Variants in UMODL1 observed in about 807,000 individuals in gnomAD.
The protein encoded by UMODL1 is uromodulin-like 1.
In UMODL1, 128 loss-of-function variants were observed where a neutral mutation model predicts 136.3. The ratio of observed to expected loss-of-function variants is 0.94; its 90% CI spans 0.81 to 1.09. The LOEUF is 1.09. Ranked by LOEUF, UMODL1 falls within the 50% of genes least tolerant of loss-of-function variation. The pLI is 0.00. For synonymous variants in UMODL1, 721 were observed against 720.0 expected (o/e 1.00, Z -0.02); for missense variants, 1,766 against 1,725.6 (o/e 1.02, Z -0.41).
intron 22 of UMODL1, among the ~76,000 whole-genome samples, chr21:42,139,798 C>T (rs544516891): frequency 8.5e-5 from 13 of 152,196 alleles, no homozygotes; most frequent in African/African-American, 2.9e-4. Context: ...GCACTGGTCC[C>T]GTCTATGCTG....
At chr21:42,126,544 C>G in intron 18 of UMODL1, 54 bp downstream of exon 18, 1 of 1,611,830 alleles carries the variant, frequency 6.2e-7, no homozygotes, top group Middle Eastern at 1.7e-4. Flanking sequence ...AGACCACCTG[C>G]GCTTTGAGAG....
At chr21:42,065,406 T>A (rs2066174999) in intron 1 of UMODL1, among the ~76,000 whole-genome samples, 1 of 152,226 alleles carries the variant, frequency 6.6e-6, no homozygotes, top group South Asian at 2.1e-4. Flanking sequence ...CACCGTGGTC[T>A]GACCCGTCCT....
At chr21:42,097,293 AT>A (rs2066569952) in intron 6 of UMODL1, among the ~76,000 whole-genome samples, 1 of 152,234 alleles carries the variant, frequency 6.6e-6, no homozygotes, top group African/African-American at 2.4e-5. Flanking sequence ...GCCTGTCCAG[AT>A]TCCAGTAACA....
chr21:42,108,111 C>T (rs913853957), intron 9 of UMODL1, among the ~76,000 whole-genome samples: 11 of 152,314 alleles, frequency 7.2e-5, no homozygotes, highest in Middle Eastern at 3.4e-3. Context: ...CCTCTGAGCT[C>T]GCTTGGGAGC....
Position 42,098,892 on chromosome 21 carries a change from C to T in UMODL1, c.932-34C>T, listed in dbSNP as rs1356838127. Reference sequence around the variant, plus strand: ...AGAAGAGAAAGCCGCCCTCACTGACCCTTTGCTCATCTTCTCTGTCTGTGC... The same window carrying T: ...AGAAGAGAAAGCCGCCCTCACTGACTCTTTGCTCATCTTCTCTGTCTGTGC... On this transcript the variant is annotated intron_variant, in intron 6 of 22. Coordinates refer to ENST00000408910, the MANE Select transcript of UMODL1 (RefSeq NM_001004416.3). 9 of 1,609,588 alleles carry T rather than the reference C, an allele frequency of 5.6e-6. No homozygotes were observed. The African/African-American group carries it at 1.2e-4, about 22-fold the overall frequency.
In UMODL1 at chr21:42,113,782, A is replaced by G; in HGVS notation, c.2314A>G (p.Lys772Glu). 1 of 1,614,064 alleles carries G rather than the reference A, an allele frequency of 6.2e-7. No homozygotes were observed. Among genetic ancestry groups the G allele is most frequent in the Non-Finnish European group, 8.5e-7 (1 of 1,180,022 alleles). Residue 772 changes from lysine to glutamate, a missense_variant, in exon 13 of 23, where the codon AAA (lysine) becomes GAA (glutamate). Physicochemically the swap from Lys to Glu is moderately conservative, Grantham distance 56. Coordinates refer to ENST00000408910, the MANE Select transcript of UMODL1 (RefSeq NM_001004416.3). Reference protein sequence around the residue: ...GVLHLVEIMAKACGKEGARAH... With the variant: ...GVLHLVEIMAEACGKEGARAH... ...CTTGCACCTGGTTGAGATCATGGCC[A>G]AAGCATGTGGGAAAGAAGGTGCCAG...
chr21:42,076,332 C>T, intron 2 of UMODL1, 85 bp downstream of exon 2: 1 of 1,575,484 alleles, frequency 6.3e-7, no homozygotes, highest in Non-Finnish European at 8.6e-7. Context: ...CATCCATTGG[C>T]CCCGAACTTG....
chr21:42,092,607 T>A (rs1406083330), intron 6 of UMODL1, among the ~76,000 whole-genome samples: 2 of 152,246 alleles, frequency 1.3e-5, no homozygotes, highest in Non-Finnish European at 2.9e-5. Flanking sequence ...AGTCTGGAAC[T>A]GTAACCTTGT....
chr21:42,074,709 G>C (rs2066267882), intron 1 of UMODL1, among the ~76,000 whole-genome samples: 1 of 152,048 alleles, frequency 6.6e-6, no homozygotes. Flanking sequence ...GATCACAGTG[G>C]TAACGGCTGA....
At chr21:42,141,393 T>C (rs1191169967) in intron 22 of UMODL1, among the ~76,000 whole-genome samples, 2 of 152,194 alleles carry the variant, frequency 1.3e-5, no homozygotes, top group African/African-American at 4.8e-5. Context: ...CCTTACAGCA[T>C]AGACAGGGCC....
At chr21:42,091,323 G>A (rs1174445943) in intron 6 of UMODL1, among the ~76,000 whole-genome samples, 3 of 152,218 alleles carry the variant, frequency 2.0e-5, no homozygotes, top group Non-Finnish European at 2.9e-5. Context: ...AGCATCGCGG[G>A]ATCAGCCTGG....
Position 42,127,222 on chromosome 21 carries a change from C to T in UMODL1, c.3510C>T (p.Thr1170=), listed in dbSNP as rs2067070660. The stretch of plus-strand genomic sequence containing the variant: ...CTAGCAACGCCCGGGACCCCATCAC[C>T]TTCAGCTTCATTAACAACAGGTAGG... The part of the protein sequence containing the change: ...TPSSNARDPI[T]FSFINNSCPV... Residue 1170 remains threonine, a synonymous_variant, in exon 19 of 23, where the codon ACC becomes ACT. Coordinates refer to ENST00000408910, the MANE Select transcript of UMODL1 (RefSeq NM_001004416.3). 6.2e-7 allele frequency: 1 copy of T among 1,614,106 alleles called. No individual in the cohort carries two copies. Among genetic ancestry groups the T allele is most frequent in the Non-Finnish European group, 8.5e-7 (1 of 1,180,020 alleles).
In UMODL1 at chr21:42,084,130, C is replaced by G; in HGVS notation, c.366C>G (p.Pro122=). 6.2e-7 allele frequency: 1 copy of G among 1,614,074 alleles called. No individual in the cohort carries two copies. The highest frequency in any genetic ancestry group is 8.5e-7 in the Non-Finnish European group (1 of 1,179,988). The change falls in exon 3 of 23, where the codon CCC becomes CCG. Residue 122 remains proline (P), a synonymous_variant. Transcript: ENST00000408910. ...TCACGTCAAGACCTGGGGCCTGCCC[C>G]GCAGAGGGGCCTGAACCATCCACCT... is the stretch of plus-strand genomic sequence containing the variant. The part of the protein sequence containing the change: ...GQFTSRPGAC[P]AEGPEPSTSP...
chr21:42,126,326 T>G lies in UMODL1; in HGVS notation c.3148-19T>G. On this transcript the variant is annotated intron_variant, in intron 17 of 22. Transcript: ENST00000408910. The stretch of plus-strand genomic sequence containing the variant: ...CCGGCTGGGGCCTGGGAGCTCCTCA[T>G]GCTCCGCTTTGTGCTCAGAACATGA... 1 of 1,613,484 alleles carries G rather than the reference T, an allele frequency of 6.2e-7. No homozygotes were observed. Among genetic ancestry groups the G allele is most frequent in the Non-Finnish European group, 8.5e-7 (1 of 1,179,752 alleles).
intron 8 of UMODL1, chr21:42,103,449 C>T (rs2066662879): frequency 2.8e-6 from 1 of 355,010 alleles, no homozygotes; most frequent in Non-Finnish European, 5.6e-6. Context: ...GTGTGGGATA[C>T]AGCCTAGTAA....
At position 42,116,062 on chromosome 21, in the gene UMODL1, C is replaced by T. The variant is rs533102633; in HGVS notation, c.2475+77C>T. ...GGCTGATAGAATTCTAGGTTAGGCA[C>T]GGTGGCTCACCCCTGTAATCCTAGC... On this transcript the variant is annotated intron_variant, in intron 14 of 22. Transcript: ENST00000408910. 4.9e-5 allele frequency: 60 copies of T among 1,218,948 alleles called. No homozygotes were observed. The African/African-American group carries it at 6.0e-4, about 12-fold the overall frequency. The allele number at this position is 1,218,948 out of a possible 1,614,324, so 75.5% of individuals were successfully genotyped here. A position where few individuals can be genotyped will look rare whatever the true frequency, so the allele number is the denominator to read the frequency against.
chr21:42,103,820 G>T, intron 8 of UMODL1, 48 bp from the exon 9 acceptor site: 1 of 1,606,522 alleles, frequency 6.2e-7, no homozygotes. Context: ...CCTGCTTAAT[G>T]GTCGTGAAGA....
intron 2 of UMODL1, among the ~76,000 whole-genome samples, chr21:42,077,945 C>T (rs1187508071): frequency 1.3e-5 from 2 of 152,198 alleles, no homozygotes; most frequent in Non-Finnish European, 2.9e-5. Context: ...CTGGGCCATC[C>T]TGAGTGGGCC....
Position 42,123,145 on chromosome 21 carries a change from C to A in UMODL1, c.3142C>A (p.Gln1048Lys). The stretch of plus-strand genomic sequence containing the variant: ...CTGGAGCGAGTGTGGGACCCTCATG[C>A]AGAGCGTAAGACCAGGAGAGCCAGG... ...AGWSECGTLM[Q>K]SNMTNTVVRT... Residue 1048 changes from glutamine (Q) to lysine (K), a missense_variant, in exon 17 of 23, where the codon CAG (glutamine) becomes AAG (lysine). By Grantham distance (53) the Gln-to-Lys change is moderately conservative. Transcript: ENST00000408910. This position sits in a 1 kb window ranked among gnomAD's most constrained non-coding sequence, Gnocchi z 4.4. The A allele has an allele frequency of 6.2e-7, 1 of 1,611,806 alleles. No individual in the cohort carries two copies. Among genetic ancestry groups the A allele is most frequent in the South Asian group, 1.1e-5 (1 of 90,772 alleles).
Sources: allele counts gnomAD v4.1 joint callset (sites outside exome capture counted in the v4.1 genomes callset), GRCh38; gene constraint gnomAD v4.1.1; non-coding constraint Gnocchi (gnomAD v3.1); transcripts MANE v1.5; gene names NCBI Gene and HGNC (gene_info 2026-07-23, HGNC 2026-07-21).